Variants in SH3D19 observed in about 807,000 individuals in gnomAD.
The protein encoded by SH3D19 is SH3 domain containing 19.
SH3D19 carries 58 observed loss-of-function variants against 112.1 expected under a neutral mutation model. That is an observed-to-expected ratio of 0.52 (90% CI 0.42 to 0.64). SH3D19 has a LOEUF of 0.64. Among genes scored for constraint, SH3D19 ranks in the 30% least tolerant of loss-of-function variants. The probability of loss-of-function intolerance (pLI) is 0.00; values close to 1 mark genes in which losing one functional copy is unlikely to be tolerated. For missense variants in SH3D19, 1,090 were observed against 1,263.4 expected, an observed-to-expected ratio of 0.86 and a Z score of 2.08; for synonymous variants, 391 against 448.5, an observed-to-expected ratio of 0.87 and a Z score of 1.62.
intron 1 of SH3D19, among the ~76,000 whole-genome samples, chr4:151,237,878 T>C (rs986363970): frequency 1.8e-4 from 28 of 152,362 alleles, no homozygotes; most frequent in African/African-American, 6.5e-4. Context: ...AGCAATGTAC[T>C]AATAAATAAT....
chr4:151,198,237 G>A (rs1763772614), intron 2 of SH3D19, among the ~76,000 whole-genome samples: 1 of 149,636 alleles, frequency 6.7e-6, no homozygotes, highest in Admixed American at 6.7e-5. Flanking sequence ...CCCGAGAGGT[G>A]GAGGTTGCAG....
At chr4:151,273,873 A>C (rs1431066169) in intron 1 of SH3D19, among the ~76,000 whole-genome samples, 1 of 152,228 alleles carries the variant, frequency 6.6e-6, no homozygotes, top group African/African-American at 2.4e-5. Context: ...ATTAATTGGA[A>C]TATTCACAAA....
At chr4:151,169,739 C>G (rs879476699) in intron 7 of SH3D19, among the ~76,000 whole-genome samples, 4 of 152,152 alleles carry the variant, frequency 2.6e-5, no homozygotes, top group Admixed American at 6.5e-5. Context: ...AGATCATAAC[C>G]TTTGACTAGT....
intron 14 of SH3D19, among the ~76,000 whole-genome samples, chr4:151,135,380 C>A (rs964454885): frequency 2.0e-5 from 3 of 148,384 alleles, no homozygotes; most frequent in African/African-American, 7.4e-5. Context: ...GGAATAACCA[C>A]ATTAATATCA....
chr4:151,216,108 C>A (rs959722949), intron 2 of SH3D19, among the ~76,000 whole-genome samples: 1 of 152,218 alleles, frequency 6.6e-6, no homozygotes, highest in African/African-American at 2.4e-5. Context: ...GGATTACAGG[C>A]ATGAGCCACC....
At chr4:151,190,948 G>T (rs954482482) in intron 2 of SH3D19, among the ~76,000 whole-genome samples, 79 of 152,270 alleles carry the variant, frequency 5.2e-4, no homozygotes, top group African/African-American at 1.6e-3. Flanking sequence ...AAAGCAGCTG[G>T]TGGGGAGGCT....
chr4:151,252,333 CT>C (rs759867655), intron 1 of SH3D19, among the ~76,000 whole-genome samples: 1 of 152,198 alleles, frequency 6.6e-6, no homozygotes, highest in African/African-American at 2.4e-5. Flanking sequence ...CCCTTTTATT[CT>C]CTCTTGAGCC....
chr4:151,134,180 G>A (rs1210516243), intron 15 of SH3D19, among the ~76,000 whole-genome samples: 1 of 152,200 alleles, frequency 6.6e-6, no homozygotes, highest in Non-Finnish European at 1.5e-5. Context: ...TGGATCAGAA[G>A]TTTTCTTATT....
intron 1 of SH3D19, among the ~76,000 whole-genome samples, chr4:151,256,451 T>A (rs1324845992): frequency 6.6e-6 from 1 of 152,224 alleles, no homozygotes; most frequent in Non-Finnish European, 1.5e-5. Flanking sequence ...ACAATAAATA[T>A]AAATACTTCA....
Position 151,243,735 on chromosome 4 carries a change from A to G in SH3D19, c.113-17649T>C, listed in dbSNP as rs1309047471. Among the ~76,000 whole-genome samples the G allele has an allele frequency of 2.6e-5, 4 of 152,254 alleles. No homozygotes were observed. In the East Asian group the frequency reaches 5.8e-4, roughly 22 times the overall value. On this transcript the variant is annotated intron_variant, in intron 1 of 19. Coordinates refer to ENST00000604030, the MANE Select transcript of SH3D19 (RefSeq NM_001378122.1). ...CTATACCGTAAGTCAAAGCATTACAACTGTTGGGAGAAAAGCTGGACATTC... is the reference window on the plus strand; with the variant it reads ...CTATACCGTAAGTCAAAGCATTACAGCTGTTGGGAGAAAAGCTGGACATTC...
intron 2 of SH3D19, among the ~76,000 whole-genome samples, chr4:151,212,709 A>C (rs1438514109): frequency 6.6e-6 from 1 of 152,224 alleles, no homozygotes; most frequent in Non-Finnish European, 1.5e-5. Context: ...TGCTGACACA[A>C]CATCCAATCT....
intron 2 of SH3D19, among the ~76,000 whole-genome samples, chr4:151,214,966 G>A (rs1766804810): frequency 1.3e-5 from 2 of 148,276 alleles, no homozygotes; most frequent in Admixed American, 1.3e-4. Flanking sequence ...GGGCGGCTGG[G>A]CAGAGACGCT....
At chr4:151,247,557 G>A (rs1442241358) in intron 1 of SH3D19, among the ~76,000 whole-genome samples, 2 of 151,954 alleles carry the variant, frequency 1.3e-5, no homozygotes, top group African/African-American at 2.4e-5. Flanking sequence ...TGTACAATTG[G>A]ATAATTTTTA....
chr4:151,126,421 C>T (rs1292174128), intron 19 of SH3D19, among the ~76,000 whole-genome samples: 1 of 152,146 alleles, frequency 6.6e-6, no homozygotes, highest in Non-Finnish European at 1.5e-5. Context: ...CTAAAACCAC[C>T]CTCCTTCTTC....
chr4:151,125,258 C>T (rs1481910869), intron 19 of SH3D19, among the ~76,000 whole-genome samples: 4 of 152,184 alleles, frequency 2.6e-5, no homozygotes, highest in Middle Eastern at 3.4e-3. Flanking sequence ...GCCTTGAGCT[C>T]ATGAGTTTGA....
In SH3D19 at chr4:151,137,641, A is replaced by C. The variant is rs1015724365; in HGVS notation, c.2427+91T>G. 2.9e-6 allele frequency: 3 copies of C among 1,025,152 alleles called. No homozygotes were observed. The African/African-American group carries it at 5.0e-5, about 17-fold the overall frequency. The allele number at this position is 1,025,152 out of a possible 1,614,324, so 63.5% of individuals were successfully genotyped here. A position where few individuals can be genotyped will look rare whatever the true frequency, so the allele number is the denominator to read the frequency against. Reference sequence around the variant, plus strand: ...AAATGAATCAATGAAAGAGAACTAGAATCTGGGTTTCTAGTTATTTTTTCC... The same window carrying C: ...AAATGAATCAATGAAAGAGAACTAGCATCTGGGTTTCTAGTTATTTTTTCC... On this transcript the variant is annotated intron_variant, in intron 14 of 19. Coordinates refer to ENST00000604030, the MANE Select transcript of SH3D19 (RefSeq NM_001378122.1).
intron 1 of SH3D19, among the ~76,000 whole-genome samples, chr4:151,304,213 C>A (rs1728727326): frequency 6.6e-6 from 1 of 152,058 alleles, no homozygotes. Flanking sequence ...AAAAGTCTAT[C>A]CCTCCATAAA....
chr4:151,168,291 G>C (rs1158003053), intron 7 of SH3D19, among the ~76,000 whole-genome samples: 1 of 152,178 alleles, frequency 6.6e-6, no homozygotes, highest in Non-Finnish European at 1.5e-5. Flanking sequence ...GGAAACATGA[G>C]TGCAGCAGGT....
intron 1 of SH3D19, chr4:151,282,108 G>C: frequency 6.2e-7 from 1 of 1,606,300 alleles, no homozygotes; most frequent in Non-Finnish European, 8.5e-7. Context: ...TTCTGACCCA[G>C]CTGCAGGCCA....
Sources: gnomAD v4.1 joint callset for allele counts (sites outside exome capture counted in the v4.1 genomes callset) on GRCh38, gnomAD v4.1.1 for gene constraint, MANE v1.5 for transcripts, NCBI Gene and HGNC (gene_info 2026-07-23, HGNC 2026-07-21) for gene names.